Variants in TAFA1 observed in about 807,000 individuals in gnomAD.
TAFA1 encodes TAFA chemokine like family member 1.
A neutral mutation model predicts 18.5 loss-of-function variants in TAFA1; 4 were observed. That is an observed-to-expected ratio of 0.22 (90% CI 0.11 to 0.49). The LOEUF is 0.49. Among genes scored for constraint, TAFA1 ranks in the 20% least tolerant of loss-of-function variants. TAFA1 has a pLI of 0.98. For missense variants in TAFA1, 147 were observed against 169.0 expected, an observed-to-expected ratio of 0.87 and a Z score of 0.72; for synonymous variants, 56 against 55.2, an observed-to-expected ratio of 1.01 and a Z score of -0.06.
intron 2 of TAFA1, among the ~76,000 whole-genome samples, chr3:68,116,533 C>T (rs2065326995): frequency 6.6e-6 from 1 of 152,086 alleles, no homozygotes. Context: ...TAATTATTCC[C>T]AACCATAGTT....
chr3:68,001,049 T>C (rs1404453260), upstream of TAFA1, among the ~76,000 whole-genome samples: 4 of 152,218 alleles, frequency 2.6e-5, no homozygotes, highest in South Asian at 6.2e-4. Flanking sequence ...TCATGACCTT[T>C]ATATGCTTCT....
rs78106391 is a variant in TAFA1 at position 68,527,174 on chromosome 3, A to T, written c.260-11582A>T. ...AAGCAAGACCAACATTCAGGATTTG[A>T]TTTACAAATAGAATCAGGGATAAAG... On this transcript the variant is annotated intron_variant, in intron 3 of 4. Coordinates refer to ENST00000478136, the MANE Select transcript of TAFA1 (RefSeq NM_213609.4). Among the ~76,000 whole-genome samples the T allele has an allele frequency of 6.9e-3, 1,053 of 152,320 alleles. 11 individuals carry two copies. The highest frequency in any genetic ancestry group is 0.024 in the African/African-American group (1,016 of 41,582).
chr3:68,204,264 A>G (rs1012231814), intron 2 of TAFA1, among the ~76,000 whole-genome samples: 5 of 151,924 alleles, frequency 3.3e-5, no homozygotes, highest in East Asian at 3.9e-4. Flanking sequence ...GATGTGGAAC[A>G]TGAATCCAGA....
chr3:68,095,499 A>G (rs571373217), intron 2 of TAFA1, among the ~76,000 whole-genome samples: 3 of 152,140 alleles, frequency 2.0e-5, no homozygotes, highest in Non-Finnish European at 4.4e-5. Flanking sequence ...CCCACTTTCC[A>G]TGGTGTTATG....
chr3:68,204,629 G>T (rs537528625), intron 2 of TAFA1, among the ~76,000 whole-genome samples: 3 of 151,758 alleles, frequency 2.0e-5, no homozygotes, highest in East Asian at 3.9e-4. Context: ...GTGAAAATGG[G>T]GCTAATCCCA....
At chr3:68,479,180 G>A (rs182108817) in intron 3 of TAFA1, among the ~76,000 whole-genome samples, 1,656 of 143,070 alleles carry the variant, frequency 0.012, 16 homozygotes, top group Middle Eastern at 0.035. Context: ...GCAGTGAGCC[G>A]AGATTGTGCC....
At chr3:68,170,096 A>G (rs1056512907) in intron 2 of TAFA1, among the ~76,000 whole-genome samples, 1 of 152,234 alleles carries the variant, frequency 6.6e-6, no homozygotes, top group Non-Finnish European at 1.5e-5. Context: ...CAGAAAAAAC[A>G]TAAGTATCAG....
intron 3 of TAFA1, among the ~76,000 whole-genome samples, chr3:68,531,191 C>T (rs1189925017): frequency 6.6e-6 from 1 of 152,112 alleles, no homozygotes; most frequent in African/African-American, 2.4e-5. Context: ...ATAATACCTA[C>T]TTTATAGGGT....
At chr3:68,381,815 G>A (rs1481399939) in intron 2 of TAFA1, among the ~76,000 whole-genome samples, 1 of 152,314 alleles carries the variant, frequency 6.6e-6, no homozygotes, top group Admixed American at 6.5e-5. Context: ...ATGTTGAATA[G>A]GAGTGATGAG....
intron 2 of TAFA1, among the ~76,000 whole-genome samples, chr3:68,200,749 T>A (rs2066461217): frequency 6.6e-6 from 1 of 151,652 alleles, no homozygotes; most frequent in Non-Finnish European, 1.5e-5. Context: ...CTTCTTTTTT[T>A]TAAAATTAGC....
At chr3:68,355,541 T>A (rs2069344776) in intron 2 of TAFA1, among the ~76,000 whole-genome samples, 1 of 151,962 alleles carries the variant, frequency 6.6e-6, no homozygotes, top group African/African-American at 2.4e-5. Context: ...ATACTAATGA[T>A]TATTACTACC....
chr3:68,047,344 C>G (rs2064402120), intron 2 of TAFA1, among the ~76,000 whole-genome samples: 1 of 152,242 alleles, frequency 6.6e-6, no homozygotes, highest in South Asian at 2.1e-4. Context: ...TGAAATAAAG[C>G]TCACATAAAA....
chr3:68,356,669 T>G (rs923791224), intron 2 of TAFA1, among the ~76,000 whole-genome samples: 3 of 151,850 alleles, frequency 2.0e-5, no homozygotes, highest in African/African-American at 7.2e-5. Context: ...ATTATATGAT[T>G]TCCCAAGATT....
chr3:68,337,514 G>T (rs1027061922), intron 2 of TAFA1, among the ~76,000 whole-genome samples: 1 of 152,048 alleles, frequency 6.6e-6, no homozygotes, highest in Non-Finnish European at 1.5e-5. Flanking sequence ...AAGTTGCTTT[G>T]GTATACAAAA....
intron 2 of TAFA1, among the ~76,000 whole-genome samples, chr3:68,355,134 CA>C (rs1435683682): frequency 5.3e-5 from 8 of 151,956 alleles, no homozygotes; most frequent in Non-Finnish European, 7.4e-5. Context: ...CAGAGTTCTG[CA>C]AAAAACTGTG....
chr3:68,370,678 A>G (rs1017274692), intron 2 of TAFA1, among the ~76,000 whole-genome samples: 2 of 149,304 alleles, frequency 1.3e-5, no homozygotes, highest in Non-Finnish European at 3.0e-5. Flanking sequence ...TATGAGAATT[A>G]GAAGTTATCT....
chr3:68,246,991 CTT>C (rs1425916446), intron 2 of TAFA1: 1 of 152,166 alleles, frequency 6.6e-6, no homozygotes, highest in African/African-American at 2.4e-5. Context: ...TCAAATGACT[CTT>C]TTCTCATTGG....
chr3:68,155,109 G>T (rs1273974821), intron 2 of TAFA1, among the ~76,000 whole-genome samples: 1 of 152,116 alleles, frequency 6.6e-6, no homozygotes, highest in South Asian at 2.1e-4. Context: ...CCCATTTTAA[G>T]ATGTGGAAAC....
chr3:68,280,757 T>G (rs2107255629), intron 2 of TAFA1, among the ~76,000 whole-genome samples: 1 of 152,288 alleles, frequency 6.6e-6, no homozygotes, highest in South Asian at 2.1e-4. Context: ...AAGATGGAGA[T>G]GCAATTTGCT....
Sources: allele counts gnomAD v4.1 joint callset (sites outside exome capture counted in the v4.1 genomes callset), GRCh38; gene constraint gnomAD v4.1.1; transcripts MANE v1.5; gene names NCBI Gene and HGNC (gene_info 2026-07-23, HGNC 2026-07-21).